ZFAT: variants seen among roughly 807,000 people sequenced by gnomAD.
ZFAT encodes zinc finger and AT-hook domain containing.
In ZFAT, 64 loss-of-function variants were observed where a neutral mutation model predicts 117.7. The observed-to-expected ratio is 0.54, with a 90% CI of 0.44 to 0.67. The LOEUF (loss-of-function observed/expected upper bound fraction) is 0.67, where lower values mean the gene tolerates loss of function less well. ZFAT is among the 30% of genes least tolerant of loss of function. The pLI, the probability that ZFAT is intolerant of heterozygous loss-of-function variation, is 0.00. For synonymous variants in ZFAT, 679 were observed against 615.0 expected (o/e 1.10, Z -1.54); for missense variants, 1,433 against 1,584.5 (o/e 0.90, Z 1.62).
At chr8:134,532,735 T>C (rs1821513619) in intron 12 of ZFAT, 99 bp downstream of exon 12, 6 of 1,454,498 alleles carry the variant, frequency 4.1e-6, no homozygotes, top group Non-Finnish European at 5.5e-6. Flanking sequence ...CACATTTATG[T>C]AGCAGAACTG....
At chr8:134,542,715 C>T (rs1020998261) in intron 11 of ZFAT, among the ~76,000 whole-genome samples, 1 of 152,212 alleles carries the variant, frequency 6.6e-6, no homozygotes, top group Non-Finnish European at 1.5e-5. Context: ...CTGTCCACAC[C>T]TCTTTGTAAT....
At chr8:134,783,243 G>T in the ZFAT span, among the ~76,000 whole-genome samples, 1 of 151,946 alleles carries the variant, frequency 6.6e-6, no homozygotes, top group Non-Finnish European at 1.5e-5. Context: ...GTAAGTCAAG[G>T]GTCCCCATCC....
At chr8:134,566,572 CG>C (rs1395733303) in intron 10 of ZFAT, among the ~76,000 whole-genome samples, 1 of 152,152 alleles carries the variant, frequency 6.6e-6, no homozygotes, top group African/African-American at 2.4e-5. Context: ...TGGCCTACTT[CG>C]TATAGCAGTA....
At chr8:134,640,482 T>C (rs1830519039) in intron 2 of ZFAT, among the ~76,000 whole-genome samples, 1 of 152,140 alleles carries the variant, frequency 6.6e-6, no homozygotes. Context: ...CAGCGTGTGG[T>C]ACAGCAGACA....
intron 15 of ZFAT, among the ~76,000 whole-genome samples, chr8:134,479,262 G>T (rs1817119482): frequency 6.6e-6 from 1 of 152,216 alleles, no homozygotes. Context: ...ATTTTCCCCA[G>T]GTGTCGTCCG....
chr8:134,562,109 G>A (rs1018466657), intron 11 of ZFAT, among the ~76,000 whole-genome samples: 3 of 152,192 alleles, frequency 2.0e-5, no homozygotes, highest in Non-Finnish European at 2.9e-5. Flanking sequence ...GGCAGAAGAG[G>A]AGAGTCAGAG....
At chr8:134,605,903 C>A (rs1436574256) in intron 5 of ZFAT, among the ~76,000 whole-genome samples, 1 of 152,180 alleles carries the variant, frequency 6.6e-6, no homozygotes, top group Non-Finnish European at 1.5e-5. Flanking sequence ...TAAAAGTAAG[C>A]AGACAAGGAC....
intron 7 of ZFAT, chr8:134,599,721 G>A (rs1367341562): frequency 6.6e-6 from 3 of 452,394 alleles, no homozygotes; most frequent in Non-Finnish European, 1.3e-5. Context: ...AATTAAAACA[G>A]AACCACACCT....
At position 134,478,580 on chromosome 8, in the gene ZFAT, T is replaced by G; in HGVS notation, c.3634A>C (p.Thr1212Pro). ...VEGIETVTVY[T>P]QGGEASEFIV... ...AACTCCGAGGCCTCCCCGCCCTGCG[T>G]GTAGACAGTCACCGTCTCAATGCCC... Residue 1212 changes from threonine to proline, a missense_variant, in exon 16 of 16, where the codon ACG (threonine) becomes CCG (proline). By Grantham distance (38) the Thr-to-Pro change is conservative (BLOSUM62 -1). Transcript: ENST00000377838. This position sits in a 1 kb window ranked among gnomAD's most constrained non-coding sequence, Gnocchi z 5.2. 4 of 1,594,358 alleles carry G rather than the reference T, an allele frequency of 2.5e-6. No individual in the cohort carries two copies. Among genetic ancestry groups the G allele is most frequent in the Non-Finnish European group, 3.4e-6 (4 of 1,170,872 alleles).
At chr8:134,679,944 G>T (rs1832988121) in intron 1 of ZFAT, among the ~76,000 whole-genome samples, 1 of 142,940 alleles carries the variant, frequency 7.0e-6, no homozygotes. Context: ...GTGGGGGGTT[G>T]GGGGTTGGGG....
At chr8:134,615,704 C>T (rs1057290235) in intron 3 of ZFAT, among the ~76,000 whole-genome samples, 2 of 152,242 alleles carry the variant, frequency 1.3e-5, no homozygotes, top group Non-Finnish European at 2.9e-5. Context: ...ATACACACCT[C>T]CAAGCCCCCA....
chr8:134,733,465 G>C, the ZFAT span, among the ~76,000 whole-genome samples: 1 of 152,222 alleles, frequency 6.6e-6, no homozygotes, highest in African/African-American at 2.4e-5. Context: ...AGATGGAATG[G>C]GGATGAATGG....
chr8:134,780,630 C>T, the ZFAT span, among the ~76,000 whole-genome samples: 1,722 of 152,332 alleles, frequency 0.011, 39 homozygotes, highest in African/African-American at 0.039. Flanking sequence ...AGCTACTTAA[C>T]TTCTCTGAAT....
the ZFAT span, among the ~76,000 whole-genome samples, chr8:134,754,433 G>A: frequency 2.0e-5 from 3 of 152,196 alleles, no homozygotes; most frequent in African/African-American, 7.2e-5. Context: ...AGGTGATTAG[G>A]CCAAGGTCGT....
intron 15 of ZFAT, among the ~76,000 whole-genome samples, chr8:134,499,723 C>A (rs1030030947): frequency 6.6e-6 from 1 of 152,244 alleles, no homozygotes; most frequent in Non-Finnish European, 1.5e-5. Context: ...CCCCCTGATG[C>A]TGACACTGCT....
intron 15 of ZFAT, among the ~76,000 whole-genome samples, chr8:134,500,079 C>T (rs1818857396): frequency 6.6e-6 from 1 of 152,350 alleles, no homozygotes; most frequent in Admixed American, 6.5e-5. Context: ...CGGGACAGCT[C>T]TGCCTCACTC....
the ZFAT span, among the ~76,000 whole-genome samples, chr8:134,736,071 G>A: frequency 2.0e-5 from 3 of 152,266 alleles, no homozygotes; most frequent in Admixed American, 1.3e-4. Flanking sequence ...AAAGATGGCC[G>A]AGGAGTAGGG....
intron 1 of ZFAT, among the ~76,000 whole-genome samples, chr8:134,703,986 C>T (rs144554945): frequency 2.1e-4 from 32 of 152,260 alleles, no homozygotes; most frequent in Non-Finnish European, 3.5e-4. Context: ...GAAAACTCTA[C>T]GAGCATGCTA....
At chr8:134,499,219 G>C (rs1387418320) in intron 15 of ZFAT, among the ~76,000 whole-genome samples, 1 of 130,724 alleles carries the variant, frequency 7.6e-6, no homozygotes, top group Non-Finnish European at 1.6e-5. Flanking sequence ...GGTGGAGCTG[G>C]GATGCCCCCG....
Sources: gnomAD v4.1 joint callset for allele counts (sites outside exome capture counted in the v4.1 genomes callset) on GRCh38, gnomAD v4.1.1 for gene constraint, Gnocchi (gnomAD v3.1) non-coding constraint, MANE v1.5 for transcripts, NCBI Gene and HGNC (gene_info 2026-07-23, HGNC 2026-07-21) for gene names.